The following STPG2 variants were observed in gnomAD, a reference collection of about 807,000 sequenced individuals.
STPG2 encodes sperm tail PG-rich repeat containing 2.
A neutral mutation model predicts 54.2 loss-of-function variants in STPG2; 56 were observed. That is an observed-to-expected ratio of 1.03 (90% CI 0.83 to 1.29). The LOEUF (loss-of-function observed/expected upper bound fraction) is 1.29, where lower values mean the gene tolerates loss of function less well. Among genes scored for constraint, STPG2 ranks in the 50% most tolerant of loss-of-function variants. The pLI is 0.00. For missense variants in STPG2, 596 were observed against 544.9 expected (o/e 1.09, Z -0.93); for synonymous variants, 200 against 181.8 (o/e 1.10, Z -0.81).
At chr4:97,701,036 C>T (rs1344272287) in intron 10 of STPG2, among the ~76,000 whole-genome samples, 2 of 152,098 alleles carry the variant, frequency 1.3e-5, no homozygotes, top group African/African-American at 2.4e-5. Context: ...GAATCACCAC[C>T]CCTGCATCTT....
chr4:98,110,398 A>G (rs1214444607), intron 3 of STPG2, among the ~76,000 whole-genome samples: 1 of 152,170 alleles, frequency 6.6e-6, no homozygotes, highest in Non-Finnish European at 1.5e-5. Flanking sequence ...TAACCAGCAT[A>G]TGACCCTCTA....
chr4:97,976,503 T>C (rs1004134997), intron 6 of STPG2, among the ~76,000 whole-genome samples: 1 of 152,124 alleles, frequency 6.6e-6, no homozygotes, highest in Non-Finnish European at 1.5e-5. Context: ...AACTTTCTTA[T>C]ATTTATCTTA....
intron 10 of STPG2, among the ~76,000 whole-genome samples, chr4:97,696,465 C>T (rs1167051397): frequency 6.6e-6 from 1 of 152,174 alleles, no homozygotes; most frequent in African/African-American, 2.4e-5. Flanking sequence ...CTGGCTTAGG[C>T]CAAGACTTCA....
intron 3 of STPG2, among the ~76,000 whole-genome samples, chr4:98,127,410 G>T (rs925341375): frequency 2.1e-4 from 32 of 152,198 alleles, no homozygotes; most frequent in Non-Finnish European, 2.5e-4. Context: ...CAAACCAAAT[G>T]GTTTTTGAAG....
At chr4:97,741,060 A>T (rs1353873739) in intron 9 of STPG2, among the ~76,000 whole-genome samples, 3 of 152,156 alleles carry the variant, frequency 2.0e-5, no homozygotes, top group Non-Finnish European at 2.9e-5. Flanking sequence ...AAAACACCGC[A>T]TATCTACAAC....
intron 6 of STPG2, among the ~76,000 whole-genome samples, chr4:97,978,345 T>C (rs946747528): frequency 6.6e-6 from 1 of 152,096 alleles, no homozygotes; most frequent in African/African-American, 2.4e-5. Flanking sequence ...AAGAATGAGA[T>C]CAAGTCCTTT....
chr4:98,072,104 C>T (rs748340326), intron 5 of STPG2, among the ~76,000 whole-genome samples: 1 of 152,140 alleles, frequency 6.6e-6, no homozygotes, highest in African/African-American at 2.4e-5. Context: ...AAGACACATG[C>T]ACGTGTATGT....
chr4:98,133,301 G>A (rs1020451900), intron 2 of STPG2, among the ~76,000 whole-genome samples: 3 of 151,984 alleles, frequency 2.0e-5, no homozygotes, highest in African/African-American at 7.2e-5. Flanking sequence ...GATGATTTAT[G>A]ATAACAGTGG....
chr4:97,922,893 T>C (rs964705062), intron 8 of STPG2, among the ~76,000 whole-genome samples: 1 of 152,012 alleles, frequency 6.6e-6, no homozygotes, highest in Non-Finnish European at 1.5e-5. Flanking sequence ...ATAACATGAG[T>C]ATTTCTTTCT....
intron 5 of STPG2, among the ~76,000 whole-genome samples, chr4:97,982,933 C>T (rs530826427): frequency 6.6e-6 from 1 of 152,152 alleles, no homozygotes; most frequent in Non-Finnish European, 1.5e-5. Context: ...TCAAATTCAA[C>T]ACTGCCTCTA....
intron 7 of STPG2, among the ~76,000 whole-genome samples, chr4:97,960,823 C>T (rs1400931922): frequency 2.6e-5 from 4 of 151,632 alleles, no homozygotes; most frequent in Non-Finnish European, 5.9e-5. Flanking sequence ...ACCATCATCA[C>T]CCTCACAGAA....
At chr4:98,066,123 A>G (rs925500043) in intron 5 of STPG2, among the ~76,000 whole-genome samples, 1 of 151,992 alleles carries the variant, frequency 6.6e-6, no homozygotes, top group African/African-American at 2.4e-5. Context: ...ATATTTAAAC[A>G]TATAACCTAT....
At chr4:97,825,531 T>A (rs989544204) in intron 9 of STPG2, among the ~76,000 whole-genome samples, 1 of 152,122 alleles carries the variant, frequency 6.6e-6, no homozygotes, top group African/African-American at 2.4e-5. Flanking sequence ...GGTATAAAAA[T>A]GGGACCCTTA....
intron 8 of STPG2, among the ~76,000 whole-genome samples, chr4:97,873,365 T>C (rs533491693): frequency 6.6e-6 from 1 of 151,574 alleles, no homozygotes; most frequent in East Asian, 1.9e-4. Flanking sequence ...CCTAAACCAC[T>C]GTGAAAACCA....
chr4:97,928,466 CTACTTT>C (rs1294352291), intron 8 of STPG2, among the ~76,000 whole-genome samples: 8 of 152,128 alleles, frequency 5.3e-5, no homozygotes, highest in African/African-American at 1.9e-4. Flanking sequence ...AGTACTACTT[CTACTTT>C]TATTTCAAAA....
chr4:97,797,251 T>G (rs914241507), intron 9 of STPG2, among the ~76,000 whole-genome samples: 23 of 152,312 alleles, frequency 1.5e-4, no homozygotes, highest in African/African-American at 5.1e-4. Flanking sequence ...AGAGAGGGCA[T>G]CCCTGTCTTG....
At chr4:97,831,974 T>C (rs964956392) in intron 9 of STPG2, among the ~76,000 whole-genome samples, 19 of 152,170 alleles carry the variant, frequency 1.2e-4, no homozygotes, top group Non-Finnish European at 1.8e-4. Context: ...CTTCTGAAAC[T>C]ATTGCAAACA....
At chr4:97,745,701 T>C (rs1288006035) in intron 9 of STPG2, among the ~76,000 whole-genome samples, 1 of 151,146 alleles carries the variant, frequency 6.6e-6, no homozygotes, top group African/African-American at 2.4e-5. Context: ...CTATGCTGAT[T>C]TACATAGGAC....
chr4:97,457,834 T>C (rs965615751), intron 4 of STPG2, among the ~76,000 whole-genome samples: 1 of 152,166 alleles, frequency 6.6e-6, no homozygotes, highest in African/African-American at 2.4e-5. Flanking sequence ...ATTTGAGGAA[T>C]GGGGTGATGT....
Sources: allele counts gnomAD v4.1 joint callset (sites outside exome capture counted in the v4.1 genomes callset), GRCh38; gene constraint gnomAD v4.1.1; transcripts MANE v1.5; gene names NCBI Gene and HGNC (gene_info 2026-07-23, HGNC 2026-07-21).